The following PHYKPL variants were observed in gnomAD, a reference collection of about 807,000 sequenced individuals.
The protein encoded by PHYKPL is 5-phosphonooxy-L-lysine phospho-lyase.
In PHYKPL, 42 loss-of-function variants were observed where a neutral mutation model predicts 51.3. The observed-to-expected ratio is 0.82, with a 90% confidence interval of 0.64 to 1.06. The LOEUF is 1.06. Among genes scored for constraint, PHYKPL ranks in the 50% least tolerant of loss-of-function variants. The probability of loss-of-function intolerance (pLI) is 0.00; values close to 1 mark genes in which losing one functional copy is unlikely to be tolerated. For missense variants in PHYKPL, 655 were observed against 586.6 expected (o/e 1.12, Z -1.20); for synonymous variants, 264 against 236.0 (o/e 1.12, Z -1.09).
intron 11 of PHYKPL, among the ~76,000 whole-genome samples, chr5:178,212,528 A>G (rs976563012): frequency 3.3e-5 from 5 of 152,204 alleles, no homozygotes; most frequent in Non-Finnish European, 7.3e-5. Flanking sequence ...TAGAGTTTTC[A>G]TTTTGAGTTC....
chr5:178,209,030 C>T (rs558915156), intron 12 of PHYKPL, 115 bp from the exon 13 acceptor site: 1 of 350,006 alleles, frequency 2.9e-6, no homozygotes, highest in Admixed American at 4.2e-5. Flanking sequence ...CCAGCCTGTC[C>T]TCTGCTCCCC....
intron 7 of PHYKPL, 67 bp downstream of exon 7, chr5:178,222,785 G>T: frequency 6.4e-7 from 1 of 1,552,444 alleles, no homozygotes; most frequent in African/African-American, 1.4e-5. Flanking sequence ...TTGGGATTTG[G>T]ACCAGAGGTT....
chr5:178,228,455 G>C, intron 3 of PHYKPL: 2 of 690,792 alleles, frequency 2.9e-6, no homozygotes, highest in Non-Finnish European at 5.3e-6. Flanking sequence ...ACAGAATAAA[G>C]CTGGTGGCAT....
In PHYKPL at chr5:178,231,901, T is replaced by C. The variant is rs766422222; in HGVS notation, c.60-378A>G. ...GATGGGCCAGGGCACCAACATTAGG[T>C]GCCTGGCTCTCAGCCCTAAACAGCT... On this transcript the variant is annotated intron_variant, in intron 1 of 12. Coordinates refer to ENST00000308158, the MANE Select transcript of PHYKPL (RefSeq NM_153373.4). 1.4e-5 allele frequency: 18 copies of C among 1,305,968 alleles called. No homozygotes were observed. In the African/African-American group the frequency reaches 2.6e-4, roughly 19 times the overall value. 80.9% of individuals were successfully genotyped at this position (1,305,968 alleles called of 1,614,324 possible).
chr5:178,231,603 C>T, intron 1 of PHYKPL, 80 bp from the exon 2 acceptor site: 2 of 1,604,322 alleles, frequency 1.2e-6, no homozygotes, highest in Middle Eastern at 1.7e-4. Context: ...CCCCCGCCCA[C>T]CCCTTCCCAG....
intron 12 of PHYKPL, chr5:178,209,481 T>G (rs1289300963): frequency 1.3e-6 from 2 of 1,572,366 alleles, no homozygotes; most frequent in African/African-American, 1.3e-5. Flanking sequence ...AGGTCCTGTT[T>G]CCCTGCCTAC....
intron 4 of PHYKPL, chr5:178,225,132 A>G: frequency 1.7e-6 from 1 of 594,840 alleles, no homozygotes; most frequent in Non-Finnish European, 3.0e-6. Context: ...TGAGTCTCTT[A>G]CAAAGCGCAC....
At chr5:178,210,293 C>T in intron 12 of PHYKPL, 7 of 1,613,964 alleles carry the variant, frequency 4.3e-6, no homozygotes, top group Non-Finnish European at 5.9e-6. Flanking sequence ...GAGAGGGAGG[C>T]CCCATCCGCT....
chr5:178,230,245 G>A (rs1763112491), intron 2 of PHYKPL, 146 bp from the exon 3 acceptor site: 2 of 963,190 alleles, frequency 2.1e-6, no homozygotes, highest in South Asian at 3.4e-5. Flanking sequence ...GGCAGAGCAG[G>A]GAGAGAGAAG....
At chr5:178,231,254 T>TAAGA in intron 2 of PHYKPL, 151 bp downstream of exon 2, 1 of 1,309,604 alleles carries the variant, frequency 7.6e-7, no homozygotes, top group Non-Finnish European at 1.1e-6. Flanking sequence ...TCCACAGCTA[T>TAAGA]ATTGCGAAGG....
At chr5:178,210,766 C>T (rs1758040934) in intron 12 of PHYKPL, 1 of 683,382 alleles carries the variant, frequency 1.5e-6, no homozygotes, top group African/African-American at 1.8e-5. Flanking sequence ...CCATGGAAAT[C>T]ACTCTCCTGT....
At chr5:178,215,469 G>T (rs748497525) in intron 8 of PHYKPL, 39 bp from the exon 9 acceptor site, 1 of 1,582,890 alleles carries the variant, frequency 6.3e-7, no homozygotes, top group Non-Finnish European at 8.6e-7. Context: ...TGCCCTGGCA[G>T]AGTGGGCCAT....
intron 2 of PHYKPL, 68 bp from the exon 3 acceptor site, chr5:178,230,167 C>T (rs982538028): frequency 1.9e-6 from 3 of 1,593,704 alleles, no homozygotes; most frequent in Non-Finnish European, 2.6e-6. Flanking sequence ...CTCCCCCAGC[C>T]CCAAGCTATA....
In PHYKPL at chr5:178,211,875, G is replaced by A. The variant is rs971684600; in HGVS notation, c.*31+15C>T. 1 of 1,594,622 alleles carries A rather than the reference G, an allele frequency of 6.3e-7. No homozygotes were observed. On this transcript the variant is annotated intron_variant, in intron 12 of 12. Coordinates refer to ENST00000308158, the MANE Select transcript of PHYKPL (RefSeq NM_153373.4). ...CGCTGTGCATCTTCAAGAGTAAGAA[G>A]CAAGGCCCACTCACCTGGAGTACAC...
intron 6 of PHYKPL, chr5:178,223,229 C>T (rs976743412): frequency 3.6e-5 from 15 of 417,096 alleles, no homozygotes; most frequent in Non-Finnish European, 6.4e-5. Context: ...TTGATCCACG[C>T]CTCCTCCCTC....
chr5:178,214,457 C>T (rs1759329359), intron 10 of PHYKPL, among the ~76,000 whole-genome samples: 1 of 152,198 alleles, frequency 6.6e-6, no homozygotes, highest in Non-Finnish European at 1.5e-5. Context: ...TTCTCCAGGC[C>T]AAGGTGGCAT....
At chr5:178,217,859 G>GA (rs1198909852) in intron 8 of PHYKPL, among the ~76,000 whole-genome samples, 2,672 of 90,816 alleles carry the variant, frequency 0.029, 58 homozygotes, top group African/African-American at 0.06. Context: ...CTCCGTCTCA[G>GA]AAAAAAAAAA....
rs1440965069 is a variant in PHYKPL at position 178,232,554 on chromosome 5, G to C, written c.-4C>G. 9.3e-6 allele frequency: 12 copies of C among 1,289,516 alleles called. No homozygotes were observed. The East Asian group carries it at 3.1e-4, about 33-fold the overall frequency. The allele number at this position is 1,289,516 out of a possible 1,614,324, so 79.9% of individuals were successfully genotyped here. A position where few individuals can be genotyped will look rare whatever the true frequency, so the allele number is the denominator to read the frequency against. ...TCGGGCGCTGGTCTGCGGCCATGGTGGGTGGCCGTCAGTCGGTGCCGTGAC... is the reference window on the plus strand; with the variant it reads ...TCGGGCGCTGGTCTGCGGCCATGGTCGGTGGCCGTCAGTCGGTGCCGTGAC... On this transcript the variant is annotated 5_prime_UTR_variant, in exon 1 of 13. Transcript: ENST00000308158.
chr5:178,210,420 G>T (rs1030372735), intron 12 of PHYKPL: 2 of 1,531,450 alleles, frequency 1.3e-6, no homozygotes, highest in African/African-American at 1.4e-5. Context: ...CTTAGACTTC[G>T]GGGTCTTAAT....
Sources: allele counts gnomAD v4.1 joint callset (sites outside exome capture counted in the v4.1 genomes callset), GRCh38; gene constraint gnomAD v4.1.1; transcripts MANE v1.5; gene names NCBI Gene and HGNC (gene_info 2026-07-23, HGNC 2026-07-21).